Variants in NBAS observed in about 807,000 individuals in gnomAD.
NBAS encodes the protein NBAS subunit of NRZ tethering complex.
A neutral mutation model predicts 302.5 loss-of-function variants in NBAS; 219 were observed. The observed-to-expected ratio is 0.72, with a 90% CI of 0.65 to 0.81. The LOEUF (loss-of-function observed/expected upper bound fraction) is 0.81. Among genes scored for constraint, NBAS ranks in the 30% least tolerant of loss-of-function variants. NBAS has a pLI of 0.00. For synonymous variants in NBAS, 1,118 were observed against 1,021.6 expected (o/e 1.09, Z -1.80); for missense variants, 2,932 against 2,841.6 (o/e 1.03, Z -0.72).
the NBAS span, among the ~76,000 whole-genome samples, chr2:15,027,924 A>G: frequency 1.3e-5 from 2 of 152,192 alleles, no homozygotes; most frequent in Non-Finnish European, 2.9e-5. Flanking sequence ...GTTTGTCAAT[A>G]TAATAGATGT....
At chr2:15,502,661 A>G (rs1167794560) in intron 11 of NBAS, among the ~76,000 whole-genome samples, 1 of 152,220 alleles carries the variant, frequency 6.6e-6, no homozygotes, top group Non-Finnish European at 1.5e-5. Context: ...TTGACCATGA[A>G]TGGAGCTTGC....
At chr2:15,054,218 C>G in the NBAS span, among the ~76,000 whole-genome samples, 1 of 152,208 alleles carries the variant, frequency 6.6e-6, no homozygotes, top group Non-Finnish European at 1.5e-5. Context: ...TATTACTACC[C>G]ATTTCATAGG....
chr2:15,397,961 AAAGATTACAC>A, intron 26 of NBAS, among the ~76,000 whole-genome samples: 1 of 152,284 alleles, frequency 6.6e-6, no homozygotes. Context: ...TGCAACTTAC[AAAGATTACAC>A]TATCTGTTTA....
intron 35 of NBAS, among the ~76,000 whole-genome samples, chr2:15,348,779 G>A (rs1158329642): frequency 2.0e-5 from 3 of 151,806 alleles, no homozygotes; most frequent in Non-Finnish European, 2.9e-5. Context: ...TTCCAACTGA[G>A]CTTTATGAAA....
At chr2:15,234,864 T>C in intron 45 of NBAS, 117 bp from the exon 46 acceptor site, 1 of 1,019,102 alleles carries the variant, frequency 9.8e-7, no homozygotes, top group Non-Finnish European at 1.5e-6. Context: ...AGCAACACCA[T>C]ACCAAAGGGC....
At chr2:15,118,010 T>A in the NBAS span, among the ~76,000 whole-genome samples, 1 of 152,234 alleles carries the variant, frequency 6.6e-6, no homozygotes, top group African/African-American at 2.4e-5. Context: ...AGCTCTGTTA[T>A]CAGAGCATCC....
At chr2:15,338,710 C>CACACACAT (rs1454097551) in intron 35 of NBAS, among the ~76,000 whole-genome samples, 96 of 148,856 alleles carry the variant, frequency 6.4e-4, no homozygotes, top group Non-Finnish European at 9.1e-4. Context: ...CACACACACA[C>CACACACAT]ATCAAATTAG....
At chr2:14,855,055 C>CT in the NBAS span, among the ~76,000 whole-genome samples, 1 of 152,010 alleles carries the variant, frequency 6.6e-6, no homozygotes, top group Non-Finnish European at 1.5e-5. Context: ...GTGGTGAGAA[C>CT]TTTGTCTTGT....
the NBAS span, among the ~76,000 whole-genome samples, chr2:14,915,126 G>C: frequency 6.6e-6 from 1 of 152,234 alleles, no homozygotes; most frequent in Non-Finnish European, 1.5e-5. Flanking sequence ...CCCTGGAGGG[G>C]CAATAATGGA....
chr2:15,446,886 GA>G (rs55991796), intron 21 of NBAS, among the ~76,000 whole-genome samples: 2,238 of 141,116 alleles, frequency 0.016, 43 homozygotes, highest in East Asian at 0.07. Context: ...CCACTAAAAA[GA>G]AAAAAAAAAA....
the NBAS span, among the ~76,000 whole-genome samples, chr2:15,098,418 GTATATTA>G: frequency 1.8e-5 from 1 of 56,680 alleles, no homozygotes; most frequent in African/African-American, 8.8e-5. Context: ...ATGATATATT[GTATATTA>G]TATATTATAT....
At chr2:15,035,868 G>A in the NBAS span, among the ~76,000 whole-genome samples, 2 of 152,064 alleles carry the variant, frequency 1.3e-5, no homozygotes, top group African/African-American at 2.4e-5. Flanking sequence ...TGTAGGGGGT[G>A]GGAGAACATC....
chr2:15,181,571 C>T (rs1183050400), intron 50 of NBAS, among the ~76,000 whole-genome samples: 1 of 152,208 alleles, frequency 6.6e-6, no homozygotes, highest in African/African-American at 2.4e-5. Context: ...CAAAACACGT[C>T]ATTTGACAGG....
At chr2:14,847,382 T>TAAAAAAAA in the NBAS span, among the ~76,000 whole-genome samples, 1 of 53,168 alleles carries the variant, frequency 1.9e-5, no homozygotes, top group African/African-American at 6.7e-5. Flanking sequence ...GACTCTATCT[T>TAAAAAAAA]AAAAAAAAAA....
intron 44 of NBAS, among the ~76,000 whole-genome samples, chr2:15,240,276 T>C (rs954805009): frequency 6.6e-6 from 1 of 151,930 alleles, no homozygotes; most frequent in East Asian, 1.9e-4. Context: ...CCCCAGACCC[T>C]TCCTTTCCTA....
chr2:14,914,016 T>C, the NBAS span, among the ~76,000 whole-genome samples: 1 of 152,150 alleles, frequency 6.6e-6, no homozygotes, highest in African/African-American at 2.4e-5. Flanking sequence ...CTCACAATCA[T>C]GGTGGAAGGC....
intron 25 of NBAS, among the ~76,000 whole-genome samples, chr2:15,408,526 A>G (rs1250301505): frequency 6.6e-6 from 1 of 151,920 alleles, no homozygotes; most frequent in Non-Finnish European, 1.5e-5. Flanking sequence ...TTCCTTCTTC[A>G]TGAAGTACAT....
chr2:15,254,894 G>A (rs1668521126), intron 44 of NBAS, among the ~76,000 whole-genome samples: 1 of 151,660 alleles, frequency 6.6e-6, no homozygotes, highest in South Asian at 2.1e-4. Flanking sequence ...GCTGAGTAGT[G>A]TTCCATGGGG....
rs955628761 is a variant in NBAS at position 15,195,634 on chromosome 2, T to C, written c.6433-5231A>G. The stretch of plus-strand genomic sequence containing the variant: ...GGTGATGGTCAAGTGGTTGTTAAAA[T>C]GTCTCTCTAAAATAATTGGTTGCAG... On this transcript the variant is annotated intron_variant, in intron 48 of 51. Transcript: ENST00000281513. 2.6e-5 allele frequency among the ~76,000 whole-genome samples: 4 copies of C among 152,124 alleles called. No homozygotes were observed. The South Asian group carries it at 8.3e-4, about 32-fold the overall frequency.
Sources: gnomAD v4.1 joint callset for allele counts (sites outside exome capture counted in the v4.1 genomes callset) on GRCh38, gnomAD v4.1.1 for gene constraint, MANE v1.5 for transcripts, NCBI Gene and HGNC (gene_info 2026-07-23, HGNC 2026-07-21) for gene names.